Variants in TNNI3K observed in about 807,000 individuals in gnomAD.
The protein encoded by TNNI3K is TNNI3 interacting kinase.
Under a neutral mutation model 114.5 loss-of-function variants are expected in TNNI3K, and 140 were observed. That is an observed-to-expected ratio of 1.22 (90% CI 1.07 to 1.41). The LOEUF (loss-of-function observed/expected upper bound fraction) is 1.41. Among genes scored for constraint, TNNI3K ranks in the 40% most tolerant of loss-of-function variants. The probability of loss-of-function intolerance (pLI) is 0.00; values close to 1 mark genes in which losing one functional copy is unlikely to be tolerated. For synonymous variants in TNNI3K, 347 were observed against 347.5 expected (o/e 1.00, Z 0.02); for missense variants, 1,125 against 1,007.6 (o/e 1.12, Z -1.58).
intron 4 of TNNI3K, among the ~76,000 whole-genome samples, chr1:74,264,932 A>G (rs960677257): frequency 1.1e-4 from 17 of 152,004 alleles, no homozygotes; most frequent in African/African-American, 3.9e-4. Context: ...ACAATCTTGT[A>G]AGGTAAGTAA....
At chr1:74,432,882 C>G (rs1040161961) in intron 17 of TNNI3K, among the ~76,000 whole-genome samples, 1 of 151,996 alleles carries the variant, frequency 6.6e-6, no homozygotes, top group African/African-American at 2.4e-5. Flanking sequence ...AGACTGAATC[C>G]TGGCTCTACC....
intron 5 of TNNI3K, among the ~76,000 whole-genome samples, chr1:74,285,334 GC>G (rs1412876106): frequency 5.3e-5 from 8 of 152,124 alleles, no homozygotes; most frequent in African/African-American, 1.9e-4. Context: ...GGATCTTTAT[GC>G]TCTTTATCTT....
intron 5 of TNNI3K, among the ~76,000 whole-genome samples, chr1:74,321,762 G>T (rs940898548): frequency 6.6e-6 from 1 of 151,846 alleles, no homozygotes; most frequent in African/African-American, 2.4e-5. Flanking sequence ...ATAAGAGAAA[G>T]ATCACATAAA....
chr1:74,271,728 C>T lies in TNNI3K; in HGVS notation c.444+20C>T. The T allele has an allele frequency of 6.3e-7, 1 of 1,581,500 alleles. No homozygotes were observed. The highest frequency in any genetic ancestry group is 8.6e-7 in the Non-Finnish European group (1 of 1,158,444). ...CTAGAGGTAAGTCATGCCTTTGGCA[C>T]CTGTGAAAACAAAGGTTATTTACCT... On this transcript the variant is annotated intron_variant, in intron 5 of 24. Transcript: ENST00000326637.
rs60688934 is a variant in TNNI3K at position 74,543,064 on chromosome 1, C to CTTTTTTTTTTTTTTTTTTTTTTTTTTTTT, written c.2432-841_2432-813dup. 8.9e-4 allele frequency among the ~76,000 whole-genome samples: 6 copies of CTTTTTTTTTTTTTTTTTTTTTTTTTTTTT among 6,750 alleles called. 3 individuals are homozygous for CTTTTTTTTTTTTTTTTTTTTTTTTTTTTT. The allele number at this position is 6,750 out of a possible 152,430, so 4.4% of individuals were successfully genotyped here. A position where few individuals can be genotyped will look rare whatever the true frequency, so the allele number is the denominator to read the frequency against. ...CTTTTCCTTTTCTTTTTCTTTTTCC[C>CTTTTTTTTTTTTTTTTTTTTTTTTTTTTT]TTTTTTTTTTTTTTTTTTTTTTTTT... is the stretch of plus-strand genomic sequence containing the variant. On this transcript the variant is annotated intron_variant, in intron 24 of 24. Transcript: ENST00000326637.
intron 20 of TNNI3K, among the ~76,000 whole-genome samples, chr1:74,458,600 C>T (rs1667323135): frequency 6.6e-6 from 1 of 152,158 alleles, no homozygotes. Flanking sequence ...GATGGCTAGG[C>T]ATTGTGCCCT....
At chr1:74,387,093 C>T (rs1663523186) in intron 17 of TNNI3K, among the ~76,000 whole-genome samples, 1 of 152,082 alleles carries the variant, frequency 6.6e-6, no homozygotes, top group Non-Finnish European at 1.5e-5. Context: ...ATAGTTTTTG[C>T]TGAAAGAAAG....
intron 23 of TNNI3K, among the ~76,000 whole-genome samples, chr1:74,518,506 A>G (rs1646380832): frequency 3.9e-5 from 6 of 152,008 alleles, no homozygotes; most frequent in Admixed American, 3.3e-4. Context: ...TCCCACCTCA[A>G]TATGCCTTCT....
At chr1:74,321,109 G>A (rs1400653034) in intron 5 of TNNI3K, among the ~76,000 whole-genome samples, 3 of 152,238 alleles carry the variant, frequency 2.0e-5, no homozygotes, top group Middle Eastern at 3.4e-3. Context: ...CTTTTAAAAT[G>A]CATAGAACAT....
chr1:74,533,813 C>CA (rs1399483528), intron 23 of TNNI3K, among the ~76,000 whole-genome samples: 5 of 152,036 alleles, frequency 3.3e-5, no homozygotes, highest in Non-Finnish European at 4.4e-5. Flanking sequence ...ATCACAAGGA[C>CA]AAAAAACCAA....
intron 4 of TNNI3K, among the ~76,000 whole-genome samples, chr1:74,254,768 G>A (rs1655169252): frequency 6.6e-6 from 1 of 152,122 alleles, no homozygotes; most frequent in Non-Finnish European, 1.5e-5. Context: ...ACAGTGCAAA[G>A]TAAAAGCAAG....
intron 5 of TNNI3K, among the ~76,000 whole-genome samples, chr1:74,278,812 A>C (rs1186021783): frequency 6.6e-6 from 1 of 152,140 alleles, no homozygotes; most frequent in African/African-American, 2.4e-5. Context: ...CCATCCCTAC[A>C]GATTGGCTAT....
chr1:74,304,245 G>A (rs930563518), intron 5 of TNNI3K, among the ~76,000 whole-genome samples: 1 of 152,130 alleles, frequency 6.6e-6, no homozygotes, highest in Non-Finnish European at 1.5e-5. Context: ...TTTCATGAAA[G>A]AAAGAGTCAA....
chr1:74,484,101 A>G (rs1450674153), intron 21 of TNNI3K, among the ~76,000 whole-genome samples: 1 of 152,034 alleles, frequency 6.6e-6, no homozygotes, highest in Non-Finnish European at 1.5e-5. Flanking sequence ...AGTAAATGTT[A>G]AACTTTACCT....
chr1:74,524,271 C>A (rs1313844756), intron 23 of TNNI3K, among the ~76,000 whole-genome samples: 1 of 152,154 alleles, frequency 6.6e-6, no homozygotes, highest in Non-Finnish European at 1.5e-5. Context: ...TGATCTCTGC[C>A]CCATTCAGAT....
At chr1:74,496,260 T>A (rs1286494274) in intron 23 of TNNI3K, among the ~76,000 whole-genome samples, 1 of 152,130 alleles carries the variant, frequency 6.6e-6, no homozygotes, top group Non-Finnish European at 1.5e-5. Context: ...AAAGCCAAGG[T>A]GAAATACCAT....
At chr1:74,368,844 G>T in intron 13 of TNNI3K, 178 bp from the exon 14 acceptor site, 2 of 549,364 alleles carry the variant, frequency 3.6e-6, no homozygotes, top group South Asian at 2.9e-5. Context: ...ATGCAGGGGG[G>T]TAGGGATCAT....
At chr1:74,404,800 A>G (rs1022942886) in intron 17 of TNNI3K, among the ~76,000 whole-genome samples, 2 of 152,190 alleles carry the variant, frequency 1.3e-5, no homozygotes, top group African/African-American at 2.4e-5. Flanking sequence ...ATAGACCACT[A>G]TAATCCTGCT....
At chr1:74,319,826 C>T (rs1659512024) in intron 5 of TNNI3K, among the ~76,000 whole-genome samples, 1 of 152,178 alleles carries the variant, frequency 6.6e-6, no homozygotes, top group Admixed American at 6.5e-5. Flanking sequence ...TCATAGTACT[C>T]AGGTTGAGTT....
Sources: gnomAD v4.1 joint callset for allele counts (sites outside exome capture counted in the v4.1 genomes callset) on GRCh38, gnomAD v4.1.1 for gene constraint, MANE v1.5 for transcripts, NCBI Gene and HGNC (gene_info 2026-07-23, HGNC 2026-07-21) for gene names.